Variants in XXYLT1 observed in about 807,000 individuals in gnomAD.
The protein encoded by XXYLT1 is UDP-xylose:alpha-xyloside alpha-1,3-xylosyltransferase.
A neutral mutation model predicts 28.9 loss-of-function variants in XXYLT1; 20 were observed. The observed-to-expected ratio is 0.69, with a 90% CI of 0.49 to 1.00. The LOEUF is 1.00. XXYLT1 is among the 50% of genes least tolerant of loss of function. The pLI is 0.00. For synonymous variants in XXYLT1, 257 were observed against 253.8 expected (o/e 1.01, Z -0.12); for missense variants, 542 against 560.1 (o/e 0.97, Z 0.33).
chr3:195,227,243 T>C (rs1724098941), intron 1 of XXYLT1, among the ~76,000 whole-genome samples: 1 of 152,266 alleles, frequency 6.6e-6, no homozygotes, highest in South Asian at 2.1e-4. Flanking sequence ...GAGTGTGTGA[T>C]CCTCATCACA....
chr3:195,225,227 C>T (rs1723997493), intron 2 of XXYLT1, among the ~76,000 whole-genome samples: 1 of 152,218 alleles, frequency 6.6e-6, no homozygotes, highest in African/African-American at 2.4e-5. Flanking sequence ...TAGGCCCTGT[C>T]GGTGAGCTCG....
intron 3 of XXYLT1, among the ~76,000 whole-genome samples, chr3:195,113,782 G>A (rs1318208128): frequency 6.6e-6 from 1 of 151,602 alleles, no homozygotes; most frequent in Non-Finnish European, 1.5e-5. Flanking sequence ...AGGAGAAAGG[G>A]TTGTGGCCAG....
At chr3:195,103,593 T>C (rs1214941280) in intron 3 of XXYLT1, among the ~76,000 whole-genome samples, 1 of 152,276 alleles carries the variant, frequency 6.6e-6, no homozygotes, top group African/African-American at 2.4e-5. Flanking sequence ...TTGAAGCCTT[T>C]TAAAGGCCCT....
chr3:195,110,582 GTGTA>G lies in XXYLT1; in HGVS notation c.786-40475_786-40472del, dbSNP rs1368129375. Among the ~76,000 whole-genome samples, 11 of 64,196 alleles carry G rather than the reference GTGTA, an allele frequency of 1.7e-4. 2 individuals are homozygous for G. Among genetic ancestry groups the G allele is most frequent in the East Asian group, 1.2e-3 (4 of 3,430 alleles). The allele number at this position is 64,196 out of a possible 152,430, so 42.1% of individuals were successfully genotyped here. A position where few individuals can be genotyped will look rare whatever the true frequency, so the allele number is the denominator to read the frequency against. On this transcript the variant is annotated intron_variant, in intron 3 of 3. Coordinates refer to ENST00000310380, the MANE Select transcript of XXYLT1 (RefSeq NM_152531.5). The stretch of plus-strand genomic sequence containing the variant: ...GTGTATGTATGTGGTGTGTTGTGTG[GTGTA>G]TGTGTGTGTGTGCTGTATGTGTGCA...
At chr3:195,212,598 A>G (rs1442967508) in intron 2 of XXYLT1, among the ~76,000 whole-genome samples, 1 of 152,206 alleles carries the variant, frequency 6.6e-6, no homozygotes, top group Non-Finnish European at 1.5e-5. Context: ...ACCTCCTGTC[A>G]GATCAGCAGC....
At chr3:195,085,620 C>T (rs1037319574) in intron 3 of XXYLT1, among the ~76,000 whole-genome samples, 14 of 152,224 alleles carry the variant, frequency 9.2e-5, no homozygotes, top group South Asian at 4.1e-4. Context: ...TCCTGCGGGC[C>T]GCGGTGGGCA....
intron 1 of XXYLT1, among the ~76,000 whole-genome samples, chr3:195,229,334 A>C (rs1724204065): frequency 6.6e-6 from 1 of 152,182 alleles, no homozygotes; most frequent in Non-Finnish European, 1.5e-5. Context: ...ATGCATAATA[A>C]TCATATCAAG....
At position 195,185,076 on chromosome 3, in the gene XXYLT1, AAAGAAGG is replaced by A. The variant is rs1382038474; in HGVS notation, c.653-28502_653-28496del. Among the ~76,000 whole-genome samples the A allele has an allele frequency of 2.0e-4, 25 of 126,924 alleles. 1 individual carries two copies. The highest frequency in any genetic ancestry group is 1.2e-3 in the East Asian group (5 of 4,090). 83.3% of individuals were successfully genotyped at this position (126,924 alleles called of 152,430 possible). On this transcript the variant is annotated intron_variant, in intron 2 of 3. Transcript: ENST00000310380. ...ACTCCCATTAAAGAAAAAAGGAAGG[AAAGAAGG>A]AAGAAGGAAGGAAGGAAGGAAGGAA... is the stretch of plus-strand genomic sequence containing the variant.
intron 2 of XXYLT1, among the ~76,000 whole-genome samples, chr3:195,174,442 G>A (rs1721558830): frequency 6.6e-6 from 1 of 152,094 alleles, no homozygotes; most frequent in African/African-American, 2.4e-5. Flanking sequence ...GGGCTCAAGT[G>A]ATCCTCCCAC....
chr3:195,268,803 C>T (rs1319483055), intron 1 of XXYLT1, among the ~76,000 whole-genome samples: 1 of 152,110 alleles, frequency 6.6e-6, no homozygotes, highest in East Asian at 1.9e-4. Context: ...TGGGGTAGTC[C>T]GAGCATGAAA....
Position 195,112,454 on chromosome 3 carries a change from G to A in XXYLT1, c.786-42343C>T, listed in dbSNP as rs190343757. ...CACACACACGCACGCACACCCACAC[G>A]CATGTGCACACCCACACACATGCAC... On this transcript the variant is annotated intron_variant, in intron 3 of 3. Coordinates refer to ENST00000310380, the MANE Select transcript of XXYLT1 (RefSeq NM_152531.5). 1.3e-4 allele frequency among the ~76,000 whole-genome samples: 19 copies of A among 146,826 alleles called. No individual in the cohort carries two copies. The South Asian group carries it at 2.2e-3, about 17-fold the overall frequency.
chr3:195,102,533 G>C (rs1716849665), intron 3 of XXYLT1, among the ~76,000 whole-genome samples: 1 of 152,086 alleles, frequency 6.6e-6, no homozygotes, highest in East Asian at 1.9e-4. Flanking sequence ...ATATAAGTGA[G>C]ATCATGCGAC....
chr3:195,204,076 G>C (rs545952403), intron 2 of XXYLT1, among the ~76,000 whole-genome samples: 3 of 152,176 alleles, frequency 2.0e-5, no homozygotes, highest in African/African-American at 7.2e-5. Context: ...CGGGCACAGT[G>C]GCTCACGCCT....
rs1010911508 is a variant in XXYLT1, at chr3:195,257,007, A to G, written c.504+13548T>C. ...TGCAAGGGGGACAGTTCCAAAACCC[A>G]AAACACCGCTGACACTTCATGGCTA... On this transcript the variant is annotated intron_variant, in intron 1 of 3. Coordinates refer to ENST00000310380, the MANE Select transcript of XXYLT1 (RefSeq NM_152531.5). This position sits in a 1 kb window ranked among gnomAD's most constrained non-coding sequence, Gnocchi z 4.3. Among the ~76,000 whole-genome samples the G allele has an allele frequency of 1.2e-4, 19 of 152,330 alleles. No individual in the cohort carries two copies. Among genetic ancestry groups the G allele is most frequent in the African/African-American group, 4.6e-4 (19 of 41,570 alleles).
intron 3 of XXYLT1, among the ~76,000 whole-genome samples, chr3:195,135,217 T>C (rs1362302241): frequency 1.3e-5 from 2 of 152,158 alleles, no homozygotes; most frequent in African/African-American, 4.8e-5. Context: ...TGAGGCGAGA[T>C]ACCCTCGGTG....
Position 195,180,352 on chromosome 3 carries a change from T to C in XXYLT1, c.653-23771A>G, listed in dbSNP as rs1420245377. The C allele has an allele frequency of 4.1e-6, 4 of 985,484 alleles. No individual in the cohort carries two copies. Among genetic ancestry groups the C allele is most frequent in the South Asian group, 4.7e-5 (1 of 21,288 alleles). 61.0% of individuals were successfully genotyped at this position (985,484 alleles called of 1,614,324 possible). On this transcript the variant is annotated intron_variant, in intron 2 of 3. Coordinates refer to ENST00000310380, the MANE Select transcript of XXYLT1 (RefSeq NM_152531.5). This position sits in a 1 kb window ranked among gnomAD's most constrained non-coding sequence, Gnocchi z 5.8. ...AAGGAAGGAGCCACAAAGGTCTGGA[T>C]GGTTTATCCCCCTGGCCCGCCTGGC...
intron 1 of XXYLT1, among the ~76,000 whole-genome samples, chr3:195,266,234 G>A (rs1441169922): frequency 6.6e-6 from 1 of 152,118 alleles, no homozygotes; most frequent in Non-Finnish European, 1.5e-5. Flanking sequence ...GGTGGCTCAC[G>A]CCTGTAATCC....
chr3:195,073,022 A>G (rs563969945), intron 3 of XXYLT1, among the ~76,000 whole-genome samples: 28 of 151,772 alleles, frequency 1.8e-4, no homozygotes, highest in African/African-American at 6.8e-4. Context: ...GCCCTCTCAC[A>G]CTCTCCACCT....
rs149889135 is a variant in XXYLT1 at position 195,219,891 on chromosome 3, A to G, written c.652+6818T>C. On this transcript the variant is annotated intron_variant, in intron 2 of 3. Transcript: ENST00000310380. ...TCTTTTCTACAATGGCAAGCGTCAC[A>G]CTAGGCTTCAAGAGATTCGGGCAGA... 5.1e-4 allele frequency among the ~76,000 whole-genome samples: 77 copies of G among 152,322 alleles called. 1 individual carries two copies. The East Asian group carries it at 0.014, about 28-fold the overall frequency.
Sources: allele counts gnomAD v4.1 joint callset (sites outside exome capture counted in the v4.1 genomes callset), GRCh38; gene constraint gnomAD v4.1.1; non-coding constraint Gnocchi (gnomAD v3.1); transcripts MANE v1.5; gene names NCBI Gene and HGNC (gene_info 2026-07-23, HGNC 2026-07-21).